The following CPEB1 variants were observed in gnomAD, a reference collection of about 807,000 sequenced individuals.
CPEB1 encodes the protein cytoplasmic polyadenylation element-binding protein 1.
CPEB1 carries 7 observed loss-of-function variants against 65.8 expected under a neutral mutation model. That is an observed-to-expected ratio of 0.11 (90% CI 0.06 to 0.20). The LOEUF (loss-of-function observed/expected upper bound fraction) is 0.20, where lower values mean the gene tolerates loss of function less well. CPEB1 is among the 10% of genes least tolerant of loss of function. The probability of loss-of-function intolerance (pLI) is 1.00; values close to 1 mark genes in which losing one functional copy is unlikely to be tolerated. For synonymous variants in CPEB1, 262 were observed against 260.0 expected, an observed-to-expected ratio of 1.01 and a Z score of -0.08; for missense variants, 551 against 712.2, an observed-to-expected ratio of 0.77 and a Z score of 2.58.
rs116844847 is a variant in CPEB1, at chr15:82,588,942, C to T, written c.272-17410G>A. On this transcript the variant is annotated intron_variant, in intron 3 of 12. Transcript: ENST00000684509. ...TTTCATGTTAATTGTCCCTCTTTTCCCCATCATGTTCCCCATCTTAGAAAA... is the reference window on the plus strand; with the variant it reads ...TTTCATGTTAATTGTCCCTCTTTTCTCCATCATGTTCCCCATCTTAGAAAA... Among the ~76,000 whole-genome samples the T allele has an allele frequency of 3.3e-5, 5 of 152,218 alleles. No individual in the cohort carries two copies. In the East Asian group the frequency reaches 9.7e-4, roughly 29 times the overall value.
At chr15:82,571,636 G>T (rs1033352367) in intron 3 of CPEB1, 104 bp from the exon 4 acceptor site, 17 of 1,472,858 alleles carry the variant, frequency 1.2e-5, no homozygotes, top group Middle Eastern at 1.9e-4. Flanking sequence ...AGGCTCACAG[G>T]CCAGACATCC....
At chr15:82,605,458 G>A (rs897961299) in intron 3 of CPEB1, among the ~76,000 whole-genome samples, 8 of 151,960 alleles carry the variant, frequency 5.3e-5, no homozygotes, top group African/African-American at 1.7e-4. Flanking sequence ...GTTCTGAAGA[G>A]CCATTGTATA....
At chr15:82,612,893 A>C (rs753275108) in intron 3 of CPEB1, among the ~76,000 whole-genome samples, 2 of 152,086 alleles carry the variant, frequency 1.3e-5, no homozygotes, top group Non-Finnish European at 2.9e-5. Context: ...AACTGAATCC[A>C]CATTTTAAAA....
intron 3 of CPEB1, among the ~76,000 whole-genome samples, chr15:82,589,413 C>A (rs1411568457): frequency 1.3e-5 from 2 of 152,204 alleles, no homozygotes; most frequent in Non-Finnish European, 2.9e-5. Context: ...CATTCCTTAT[C>A]ACATCCCATT....
chr15:82,644,048 G>C (rs752712133), intron 1 of CPEB1, among the ~76,000 whole-genome samples: 1 of 152,150 alleles, frequency 6.6e-6, no homozygotes, highest in Non-Finnish European at 1.5e-5. Context: ...GGTTGGGAGG[G>C]TCACCCCCAC....
chr15:82,647,764 G>A (rs908356976), upstream of CPEB1: 9 of 1,127,828 alleles, frequency 8.0e-6, no homozygotes, highest in Non-Finnish European at 1.0e-5. Flanking sequence ...GGGGGATGGG[G>A]GTACCGCGGC....
intron 1 of CPEB1, among the ~76,000 whole-genome samples, chr15:82,637,505 C>T (rs2046758707): frequency 2.0e-5 from 3 of 152,182 alleles, no homozygotes; most frequent in Admixed American, 2.0e-4. Context: ...GCCTGTCTTT[C>T]CCTAGCATCC....
At chr15:82,573,829 G>C (rs901263204) in intron 3 of CPEB1, among the ~76,000 whole-genome samples, 35 of 152,124 alleles carry the variant, frequency 2.3e-4, no homozygotes, top group African/African-American at 7.0e-4. Context: ...AAAAAAGTTT[G>C]AGCAGTCGGG....
chr15:82,554,656 TCAGAGA>T (rs2036878447), intron 6 of CPEB1, among the ~76,000 whole-genome samples: 1 of 152,230 alleles, frequency 6.6e-6, no homozygotes, highest in African/African-American at 2.4e-5. Context: ...CCTTTCCAAA[TCAGAGA>T]CTGACCTTAG....
At chr15:82,584,478 G>C (rs1214591128) in intron 3 of CPEB1, among the ~76,000 whole-genome samples, 2 of 151,638 alleles carry the variant, frequency 1.3e-5, no homozygotes, top group East Asian at 3.9e-4. Flanking sequence ...AGGAGTTCAA[G>C]ACCAGCCTGG....
chr15:82,602,247 T>G (rs1404011905), intron 3 of CPEB1, among the ~76,000 whole-genome samples: 1 of 152,154 alleles, frequency 6.6e-6, no homozygotes, highest in Non-Finnish European at 1.5e-5. Context: ...TACTACAGAC[T>G]TCCTCAGGGA....
intron 4 of CPEB1, among the ~76,000 whole-genome samples, chr15:82,569,798 C>T (rs2039731405): frequency 6.6e-6 from 1 of 152,196 alleles, no homozygotes; most frequent in Admixed American, 6.5e-5. Context: ...GTGCCTTGGT[C>T]AAACACTGAT....
At chr15:82,562,361 T>C (rs970442993) in intron 4 of CPEB1, 2 of 355,650 alleles carry the variant, frequency 5.6e-6, no homozygotes, top group African/African-American at 4.3e-5. Context: ...AAATGCATTT[T>C]GGGTCCCACC....
At chr15:82,645,666 G>A (rs1377002129) in intron 1 of CPEB1, among the ~76,000 whole-genome samples, 2 of 151,870 alleles carry the variant, frequency 1.3e-5, no homozygotes, top group African/African-American at 4.8e-5. Flanking sequence ...TCAGGAGTTC[G>A]AGACCATCCT....
chr15:82,558,045 T>A, intron 4 of CPEB1, 59 bp from the exon 5 acceptor site: 1 of 1,239,304 alleles, frequency 8.1e-7, no homozygotes, highest in Non-Finnish European at 1.1e-6. Context: ...GCCAACAGCC[T>A]CTTTCTTCTC....
intron 3 of CPEB1, among the ~76,000 whole-genome samples, chr15:82,623,738 T>TATG (rs2045516630): frequency 6.6e-6 from 1 of 152,188 alleles, no homozygotes; most frequent in Admixed American, 6.5e-5. Flanking sequence ...CACATTTATA[T>TATG]CATTCCAGTG....
intron 3 of CPEB1, among the ~76,000 whole-genome samples, chr15:82,597,572 A>G (rs2042762036): frequency 6.6e-6 from 1 of 152,224 alleles, no homozygotes; most frequent in African/African-American, 2.4e-5. Context: ...CTGTCTAGTG[A>G]ACTTTCAGCT....
At chr15:82,634,981 G>GT (rs1037277472) in intron 1 of CPEB1, among the ~76,000 whole-genome samples, 1 of 152,144 alleles carries the variant, frequency 6.6e-6, no homozygotes, top group African/African-American at 2.4e-5. Context: ...TGCCTCCTGA[G>GT]TAGCTGGGAC....
At chr15:82,562,816 C>G (rs1486583836) in intron 4 of CPEB1, among the ~76,000 whole-genome samples, 1 of 143,752 alleles carries the variant, frequency 7.0e-6, no homozygotes, top group African/African-American at 2.6e-5. Flanking sequence ...GACTGGGCAA[C>G]AGGGCAAAAT....
Sources: allele counts gnomAD v4.1 joint callset (sites outside exome capture counted in the v4.1 genomes callset), GRCh38; gene constraint gnomAD v4.1.1; transcripts MANE v1.5; gene names NCBI Gene and HGNC (gene_info 2026-07-23, HGNC 2026-07-21).